SDK1: variants seen among roughly 807,000 people sequenced by gnomAD.
SDK1 encodes protein sidekick-1.
SDK1 carries 157 observed loss-of-function variants against 245.5 expected under a neutral mutation model. That is an observed-to-expected ratio of 0.64 (90% CI 0.56 to 0.73). The LOEUF (loss-of-function observed/expected upper bound fraction) is 0.73, where lower values mean the gene tolerates loss of function less well. SDK1 is among the 30% of genes least tolerant of loss of function. The probability of loss-of-function intolerance (pLI) is 0.00; values close to 1 mark genes in which losing one functional copy is unlikely to be tolerated. For synonymous variants in SDK1, 1,647 were observed against 1,278.5 expected, an observed-to-expected ratio of 1.29 and a Z score of -6.15; for missense variants, 3,583 against 3,002.3, an observed-to-expected ratio of 1.19 and a Z score of -4.52.
At chr7:4,144,288 T>G (rs1295398191) in intron 28 of SDK1, among the ~76,000 whole-genome samples, 4 of 152,012 alleles carry the variant, frequency 2.6e-5, no homozygotes, top group Non-Finnish European at 5.9e-5. Flanking sequence ...GTCTCAGAAC[T>G]CCCGGTCCCC....
At chr7:4,031,117 A>G (rs908351127) in intron 17 of SDK1, among the ~76,000 whole-genome samples, 1 of 152,158 alleles carries the variant, frequency 6.6e-6, no homozygotes, top group African/African-American at 2.4e-5. Flanking sequence ...ACACGTATAT[A>G]TACATGGACA....
At chr7:4,162,606 A>G (rs1040811762) in intron 32 of SDK1, among the ~76,000 whole-genome samples, 2 of 151,816 alleles carry the variant, frequency 1.3e-5, no homozygotes, top group Non-Finnish European at 2.9e-5. Context: ...CACCATGTTG[A>G]CCAGGCTGAT....
At chr7:3,418,427 A>G (rs1435369414) in intron 1 of SDK1, among the ~76,000 whole-genome samples, 1 of 152,192 alleles carries the variant, frequency 6.6e-6, no homozygotes, top group Non-Finnish European at 1.5e-5. Context: ...GGTGCAGAGC[A>G]CTGTGCTCCA....
chr7:3,603,200 T>C lies in SDK1; in HGVS notation c.299-15880T>C, dbSNP rs566502527. 1.7e-3 allele frequency among the ~76,000 whole-genome samples: 229 copies of C among 138,392 alleles called. 6 individuals carry two copies. Among genetic ancestry groups the C allele is most frequent in the Non-Finnish European group, 7.5e-4 (48 of 63,728 alleles). 90.8% of individuals were successfully genotyped at this position (138,392 alleles called of 152,430 possible). ...GGTTCCAGATGAACTTTAAAGTAGTTTTTTCCAATTCTGTGAAGAAAGTCA... is the reference window on the plus strand; with the variant it reads ...GGTTCCAGATGAACTTTAAAGTAGTCTTTTCCAATTCTGTGAAGAAAGTCA... On this transcript the variant is annotated intron_variant, in intron 1 of 44. Coordinates refer to ENST00000404826, the MANE Select transcript of SDK1 (RefSeq NM_152744.4).
chr7:3,447,640 G>T (rs1279116681), intron 1 of SDK1, among the ~76,000 whole-genome samples: 4 of 151,248 alleles, frequency 2.6e-5, no homozygotes, highest in South Asian at 4.2e-4. Flanking sequence ...CTTCCTGTGA[G>T]GTATTGTTTT....
chr7:3,516,864 C>T (rs1175249355), intron 1 of SDK1, among the ~76,000 whole-genome samples: 1 of 151,998 alleles, frequency 6.6e-6, no homozygotes, highest in East Asian at 1.9e-4. Context: ...ACTTTATCAC[C>T]CATTATTTGG....
At chr7:4,094,142 C>T (rs867825390) in intron 22 of SDK1, among the ~76,000 whole-genome samples, 3 of 152,102 alleles carry the variant, frequency 2.0e-5, no homozygotes, top group African/African-American at 2.4e-5. Flanking sequence ...CTGCAACCTC[C>T]GCCTTGTAGG....
At chr7:4,201,833 C>T (rs564927280) in intron 35 of SDK1, among the ~76,000 whole-genome samples, 6 of 152,198 alleles carry the variant, frequency 3.9e-5, no homozygotes, top group Non-Finnish European at 7.4e-5. Flanking sequence ...CCCAGCATGG[C>T]ATGGGGTGGC....
intron 1 of SDK1, among the ~76,000 whole-genome samples, chr7:3,558,940 C>G (rs773325112): frequency 3.9e-5 from 6 of 152,146 alleles, no homozygotes; most frequent in Admixed American, 6.5e-5. Context: ...TTTTCCCTCA[C>G]TCTACTCAAG....
intron 4 of SDK1, among the ~76,000 whole-genome samples, chr7:3,766,365 C>T (rs73306103): frequency 0.079 from 12,011 of 151,988 alleles, 1,488 homozygotes; most frequent in African/African-American, 0.26. Context: ...TTTTTCACTT[C>T]GGGGAAAAAA....
intron 1 of SDK1, among the ~76,000 whole-genome samples, chr7:3,494,555 G>A (rs1471199013): frequency 6.6e-6 from 1 of 152,190 alleles, no homozygotes; most frequent in Non-Finnish European, 1.5e-5. Context: ...TGAAGTGTGG[G>A]ATGATTGAAT....
intron 5 of SDK1, among the ~76,000 whole-genome samples, chr7:3,938,868 G>C (rs1037019531): frequency 6.6e-6 from 1 of 152,136 alleles, no homozygotes; most frequent in Non-Finnish European, 1.5e-5. Context: ...TCTCTGCCCA[G>C]TAAAAAGCTG....
At chr7:3,779,795 G>C (rs908929483) in intron 4 of SDK1, among the ~76,000 whole-genome samples, 1 of 151,974 alleles carries the variant, frequency 6.6e-6, no homozygotes, top group Non-Finnish European at 1.5e-5. Context: ...AGCCGGGCGC[G>C]GTGGCGGGCG....
intron 5 of SDK1, among the ~76,000 whole-genome samples, chr7:3,868,951 T>G (rs1276453009): frequency 6.6e-6 from 1 of 152,158 alleles, no homozygotes; most frequent in East Asian, 1.9e-4. Flanking sequence ...AATGACTACA[T>G]TACATTGTTG....
At chr7:3,339,500 A>C (rs976014348) in intron 1 of SDK1, among the ~76,000 whole-genome samples, 2 of 152,150 alleles carry the variant, frequency 1.3e-5, no homozygotes, top group Non-Finnish European at 2.9e-5. Context: ...TTAAGTGCCC[A>C]TGGGACATCA....
intron 1 of SDK1, among the ~76,000 whole-genome samples, chr7:3,486,745 C>A (rs752001392): frequency 2.6e-5 from 4 of 152,060 alleles, no homozygotes; most frequent in East Asian, 1.9e-4. Context: ...TATCCTATTA[C>A]ATTTATTTTA....
intron 3 of SDK1, among the ~76,000 whole-genome samples, chr7:3,641,406 G>A (rs1179052005): frequency 6.6e-6 from 1 of 152,020 alleles, no homozygotes; most frequent in Non-Finnish European, 1.5e-5. Context: ...AAAGCTAGTT[G>A]CCCCAGATTA....
intron 33 of SDK1, 122 bp downstream of exon 33, chr7:4,174,479 C>A: frequency 8.8e-7 from 1 of 1,131,942 alleles, no homozygotes; most frequent in Non-Finnish European, 1.3e-6. Context: ...GGCAGCCCTG[C>A]CCTCAGGAAC....
chr7:4,206,969 C>T (rs759969950), intron 36 of SDK1, among the ~76,000 whole-genome samples: 1 of 152,240 alleles, frequency 6.6e-6, no homozygotes, highest in Non-Finnish European at 1.5e-5. Flanking sequence ...AGCTTGGAGG[C>T]ATGGCGCTAT....
Sources: gnomAD v4.1 joint callset for allele counts (sites outside exome capture counted in the v4.1 genomes callset) on GRCh38, gnomAD v4.1.1 for gene constraint, MANE v1.5 for transcripts, NCBI Gene and HGNC (gene_info 2026-07-23, HGNC 2026-07-21) for gene names.